Variants in OTOF observed in about 807,000 individuals in gnomAD.
The protein encoded by OTOF is fer-1-like family member 2.
Under a neutral mutation model 236.8 loss-of-function variants are expected in OTOF, and 218 were observed. The ratio of observed to expected loss-of-function variants is 0.92; its 90% CI spans 0.82 to 1.03. The LOEUF (loss-of-function observed/expected upper bound fraction) is 1.03, where lower values mean the gene tolerates loss of function less well. OTOF is among the 50% of genes least tolerant of loss of function. The probability of loss-of-function intolerance (pLI) is 0.00; values close to 1 mark genes in which losing one functional copy is unlikely to be tolerated. For synonymous variants in OTOF, 1,041 were observed against 1,072.5 expected (o/e 0.97, Z 0.57); for missense variants, 2,590 against 2,694.4 (o/e 0.96, Z 0.86).
chr2:26,462,261 G>A lies in OTOF; in HGVS notation c.5193-80C>T, dbSNP rs1664503509. On this transcript the variant is annotated intron_variant, in intron 41 of 46. Coordinates refer to ENST00000272371, the MANE Select transcript of OTOF (RefSeq NM_194248.3). This position sits in a 1 kb window ranked among gnomAD's most constrained non-coding sequence, Gnocchi z 4.7. Reference sequence around the variant, plus strand: ...GTGCCAGGGCTGGGATGGGGCAGGCGGAGAGAAGCCCTGGGGTCTTGGGGT... The same window carrying A: ...GTGCCAGGGCTGGGATGGGGCAGGCAGAGAGAAGCCCTGGGGTCTTGGGGT... 9 of 1,221,202 alleles carry A rather than the reference G, an allele frequency of 7.4e-6. No individual in the cohort carries two copies. Among genetic ancestry groups the A allele is most frequent in the Non-Finnish European group, 1.1e-5 (9 of 824,472 alleles). The allele number at this position is 1,221,202 out of a possible 1,614,324, so 75.6% of individuals were successfully genotyped here.
At chr2:26,552,480 A>G (rs577659913) in intron 1 of OTOF, among the ~76,000 whole-genome samples, 1 of 152,330 alleles carries the variant, frequency 6.6e-6, no homozygotes, top group East Asian at 1.9e-4. Context: ...AATTCAGAGA[A>G]ATGATTTGCA....
At chr2:26,512,097 A>G (rs981298422) in intron 5 of OTOF, among the ~76,000 whole-genome samples, 3 of 152,190 alleles carry the variant, frequency 2.0e-5, no homozygotes, top group African/African-American at 7.2e-5. Context: ...TCCTGCCCCA[A>G]ACTCCTCCCA....
Position 26,518,365 on chromosome 2 carries a change from CAGTT to C in OTOF, c.327+641_327+644del, listed in dbSNP as rs573576873. On this transcript the variant is annotated intron_variant, in intron 4 of 46. Coordinates refer to ENST00000272371, the MANE Select transcript of OTOF (RefSeq NM_194248.3). ...TGATATGTAGCTTGCCTAAGTCACA[CAGTT>C]AGTGAGCAGCCTAAGATTCATACTC... Among the ~76,000 whole-genome samples the C allele has an allele frequency of 7.2e-5, 11 of 152,344 alleles. No homozygotes were observed. The South Asian group carries it at 1.7e-3, about 23-fold the overall frequency.
chr2:26,478,033 G>C, intron 18 of OTOF: 2 of 1,440,848 alleles, frequency 1.4e-6, no homozygotes, highest in Non-Finnish European at 1.8e-6. Flanking sequence ...GGCCTGGGCA[G>C]AACTCACGGC....
At chr2:26,521,917 C>T (rs918354109) in intron 3 of OTOF, among the ~76,000 whole-genome samples, 3 of 152,168 alleles carry the variant, frequency 2.0e-5, no homozygotes, top group Non-Finnish European at 4.4e-5. Flanking sequence ...CTACCAACAC[C>T]GGCACTCGGA....
At chr2:26,474,291 G>T in intron 26 of OTOF, among the ~76,000 whole-genome samples, 181 bp from the exon 27 acceptor site, 1 of 145,534 alleles carries the variant, frequency 6.9e-6, no homozygotes, top group East Asian at 2.1e-4. Context: ...CCAGCTCCAG[G>T]CCCCAACCCC....
At chr2:26,505,715 ATGCCGTAGGAC>A (rs1666231132) in intron 5 of OTOF, among the ~76,000 whole-genome samples, 1 of 152,236 alleles carries the variant, frequency 6.6e-6, no homozygotes, top group African/African-American at 2.4e-5. Context: ...CTTTGCCTCG[ATGCCGTAGGAC>A]TGCACTTTTC....
rs375680893 is a variant in OTOF, at chr2:26,482,560, C to T, written c.1425G>A (p.Glu475=). Residue 475 remains glutamate, a synonymous_variant, in exon 14 of 47, where the codon GAG becomes GAA. Transcript: ENST00000272371. ...AGACGACCTGCTCATTCCACAGGGGCTCATAGCTGCTCTTCTGCACTGAAG... is the reference window on the plus strand; with the variant it reads ...AGACGACCTGCTCATTCCACAGGGGTTCATAGCTGCTCTTCTGCACTGAAG... ...GKTSVQKSSY[E]PLWNEQVVFT... 3.1e-6 allele frequency: 5 copies of T among 1,613,342 alleles called. No individual in the cohort carries two copies. The highest frequency in any genetic ancestry group is 3.4e-6 in the Non-Finnish European group (4 of 1,179,960).
At position 26,461,546 on chromosome 2, in the gene OTOF, C is replaced by T. The variant is rs186471709; in HGVS notation, c.5533+150G>A. The T allele has an allele frequency of 5.9e-4, 634 of 1,076,760 alleles. 4 individuals are homozygous for T. The highest frequency in any genetic ancestry group is 4.9e-3 in the African/African-American group (314 of 64,558). 66.7% of individuals were successfully genotyped at this position (1,076,760 alleles called of 1,614,324 possible). A position where few individuals can be genotyped will look rare whatever the true frequency, so the allele number is the denominator to read the frequency against. ...GGACGGTTAGGTGGGTCCTTGGGGGCGGAACCCCGTCGGACACCCCTGGCT... is the reference window on the plus strand; with the variant it reads ...GGACGGTTAGGTGGGTCCTTGGGGGTGGAACCCCGTCGGACACCCCTGGCT... On this transcript the variant is annotated intron_variant, in intron 43 of 46. Transcript: ENST00000272371. The surrounding 1 kb of genome is among the most constrained non-coding windows in gnomAD (Gnocchi z 6.2).
chr2:26,540,496 C>T (rs1048216354), intron 1 of OTOF, among the ~76,000 whole-genome samples: 7 of 152,190 alleles, frequency 4.6e-5, no homozygotes, highest in African/African-American at 1.7e-4. Flanking sequence ...AGGAAGGGGG[C>T]TCAGCAAAGC....
intron 5 of OTOF, among the ~76,000 whole-genome samples, chr2:26,514,783 G>C (rs576018373): frequency 1.2e-4 from 19 of 152,274 alleles, no homozygotes; most frequent in African/African-American, 4.1e-4. Context: ...TTTGGGGTCA[G>C]CATTCCTTTC....
rs1665115711 is a variant in OTOF, at chr2:26,473,787, G to A, written c.3408+204C>T. On this transcript the variant is annotated intron_variant, in intron 27 of 46. Coordinates refer to ENST00000272371, the MANE Select transcript of OTOF (RefSeq NM_194248.3). This position sits in a 1 kb window ranked among gnomAD's most constrained non-coding sequence, Gnocchi z 7.2. The stretch of plus-strand genomic sequence containing the variant: ...CCCGGAGAAGGGGTGCAGGGTCAGG[G>A]GTGCAGACAGGAGGGCTGGGCATGG... Among the ~76,000 whole-genome samples, 1 of 152,116 alleles carries A rather than the reference G, an allele frequency of 6.6e-6. No homozygotes were observed. Among genetic ancestry groups the A allele is most frequent in the Admixed American group, 6.5e-5 (1 of 15,282 alleles).
intron 4 of OTOF, 90 bp from the exon 5 acceptor site, chr2:26,516,689 G>C (rs935223886): frequency 2.2e-6 from 3 of 1,363,374 alleles, no homozygotes; most frequent in Non-Finnish European, 3.1e-6. Flanking sequence ...TTTACACAGC[G>C]CTTCCACACC....
chr2:26,504,853 A>G (rs919942793), intron 5 of OTOF, among the ~76,000 whole-genome samples: 1 of 152,140 alleles, frequency 6.6e-6, no homozygotes, highest in Non-Finnish European at 1.5e-5. Flanking sequence ...GTATGGCCCC[A>G]TCATCCTGTA....
At chr2:26,499,023 C>T (rs1280745261) in intron 8 of OTOF, among the ~76,000 whole-genome samples, 1 of 152,036 alleles carries the variant, frequency 6.6e-6, no homozygotes, top group African/African-American at 2.4e-5. Flanking sequence ...AGGTCAGTGG[C>T]AGGGGCATGA....
chr2:26,532,124 GA>G (rs145047144), intron 2 of OTOF, among the ~76,000 whole-genome samples: 3,060 of 139,196 alleles, frequency 0.022, 114 homozygotes, highest in African/African-American at 0.087. Context: ...AAGACTGAAG[GA>G]AAAGGGCTTC....
intron 1 of OTOF, among the ~76,000 whole-genome samples, chr2:26,550,423 C>A (rs1335397508): frequency 6.6e-6 from 1 of 152,104 alleles, no homozygotes; most frequent in African/African-American, 2.4e-5. Flanking sequence ...TCCTTGCTCC[C>A]ACTTCTATGC....
chr2:26,486,373 CGTGA>C (rs1665701485), intron 11 of OTOF, among the ~76,000 whole-genome samples: 1 of 111,058 alleles, frequency 9.0e-6, no homozygotes, highest in Non-Finnish European at 1.9e-5. Flanking sequence ...TGGATTGGTG[CGTGA>C]ATGGATGGAT....
In OTOF at chr2:26,460,127, C is replaced by T. The variant is rs757642790; in HGVS notation, c.5892G>A (p.Trp1964Ter). The change falls in exon 46 of 47, where the codon TGG (tryptophan) becomes TGA (stop). Residue 1964 changes from tryptophan to a stop codon, truncating the protein, a stop_gained. Coordinates refer to ENST00000272371, the MANE Select transcript of OTOF (RefSeq NM_194248.3). LOFTEE classifies it high-confidence loss of function. This position sits in a 1 kb window ranked among gnomAD's most constrained non-coding sequence, Gnocchi z 5.3. ...ARYFLWHTYR[W>*]LLLKLLLLLL... ...GGAGCAGCAACAGTTTGAGGAGCAG[C>T]CAGCGATACGTGTGCCACAAGAAGT... 3.1e-6 allele frequency: 5 copies of T among 1,596,848 alleles called. No individual in the cohort carries two copies. The highest frequency in any genetic ancestry group is 4.3e-6 in the Non-Finnish European group (5 of 1,172,056).
Sources: allele counts gnomAD v4.1 joint callset (sites outside exome capture counted in the v4.1 genomes callset), GRCh38; gene constraint gnomAD v4.1.1; non-coding constraint Gnocchi (gnomAD v3.1); transcripts MANE v1.5; gene names NCBI Gene and HGNC (gene_info 2026-07-23, HGNC 2026-07-21).